VPS13B: variants seen among roughly 807,000 people sequenced by gnomAD.
VPS13B encodes vacuolar protein sorting 13 homolog B.
VPS13B carries 285 observed loss-of-function variants against 426.4 expected under a neutral mutation model. That is an observed-to-expected ratio of 0.67 (90% confidence interval 0.61 to 0.74). The LOEUF is 0.74. Ranked by LOEUF, VPS13B falls within the 30% of genes least tolerant of loss-of-function variation. VPS13B has a pLI of 0.00. For synonymous variants in VPS13B, 1,676 were observed against 1,676.4 expected, an observed-to-expected ratio of 1.00 and a Z score of 0.01; for missense variants, 4,537 against 4,782.6, an observed-to-expected ratio of 0.95 and a Z score of 1.51.
intron 43 of VPS13B, among the ~76,000 whole-genome samples, chr8:99,803,097 T>C (rs1417395087): frequency 6.6e-6 from 1 of 152,228 alleles, no homozygotes; most frequent in Admixed American, 6.5e-5. Flanking sequence ...AACATACATC[T>C]AGATACATTC....
rs1178697872 is a variant in VPS13B at position 99,854,002 on chromosome 8, G to A, written c.10613G>A (p.Gly3538Glu). The A allele has an allele frequency of 1.2e-6, 2 of 1,614,154 alleles. No homozygotes were observed. Among genetic ancestry groups the A allele is most frequent in the East Asian group, 2.2e-5 (1 of 44,886 alleles). ...RLAGHSTHLS[G>E]GKQVLPMQVT... ...GCTGGTCACTCCACACACCTCTCCG[G>A]GGGTAAACAGGTGTTGCCCATGCAG... is the stretch of plus-strand genomic sequence containing the variant. Residue 3538 changes from glycine (G) to glutamate (E), a missense_variant, in exon 56 of 62, where the codon GGG becomes GAG. Physicochemically the swap from Gly to Glu is moderately conservative, Grantham distance 98. Around this residue, in one of 2 missense-constraint regions of VPS13B, gnomAD observed 4,311 missense variants for 4,474.3 expected, o/e 0.96. Coordinates refer to ENST00000357162, the MANE Select transcript of VPS13B (RefSeq NM_152564.5).
chr8:99,838,475 A>C (rs1465487839), intron 54 of VPS13B, among the ~76,000 whole-genome samples: 1 of 152,252 alleles, frequency 6.6e-6, no homozygotes, highest in Non-Finnish European at 1.5e-5. Flanking sequence ...AATAAGGAAC[A>C]AAGAAAACAT....
intron 20 of VPS13B, among the ~76,000 whole-genome samples, chr8:99,386,312 C>T (rs1186424410): frequency 6.6e-6 from 1 of 152,134 alleles, no homozygotes; most frequent in Non-Finnish European, 1.5e-5. Flanking sequence ...AATGAACATA[C>T]AATCACGTGC....
intron 19 of VPS13B, among the ~76,000 whole-genome samples, chr8:99,301,227 T>G (rs1820347645): frequency 1.3e-5 from 2 of 152,056 alleles, no homozygotes; most frequent in East Asian, 3.8e-4. Flanking sequence ...AAAAAAAATT[T>G]TTTTTAACTT....
chr8:99,179,530 T>C (rs994296939), intron 16 of VPS13B, among the ~76,000 whole-genome samples: 3 of 152,182 alleles, frequency 2.0e-5, no homozygotes, highest in African/African-American at 7.2e-5. Flanking sequence ...GTATCCTAAA[T>C]AACTGTAACT....
intron 39 of VPS13B, among the ~76,000 whole-genome samples, chr8:99,753,042 T>G (rs1020891145): frequency 1.3e-5 from 2 of 152,168 alleles, no homozygotes; most frequent in Non-Finnish European, 2.9e-5. Context: ...CCTTGACAGG[T>G]TTTTTTAACT....
At chr8:99,568,873 G>A (rs1323813670) in intron 31 of VPS13B, among the ~76,000 whole-genome samples, 15 of 150,446 alleles carry the variant, frequency 1.0e-4, no homozygotes, top group African/African-American at 3.2e-4. Flanking sequence ...GTGCAGTGGC[G>A]CAATTTTGGC....
chr8:99,637,736 C>G (rs933743915), intron 33 of VPS13B, among the ~76,000 whole-genome samples: 2 of 152,038 alleles, frequency 1.3e-5, no homozygotes, highest in African/African-American at 4.8e-5. Context: ...AACACTTAAT[C>G]CACTTTAAAG....
chr8:99,016,586 C>CT (rs754060289), intron 2 of VPS13B, among the ~76,000 whole-genome samples: 1,963 of 60,810 alleles, frequency 0.032, 47 homozygotes, highest in Middle Eastern at 0.054. Flanking sequence ...TATAGGAATT[C>CT]TTTTTTTTTT....
chr8:99,777,510 T>A (rs186084573), intron 41 of VPS13B, among the ~76,000 whole-genome samples: 3 of 152,280 alleles, frequency 2.0e-5, no homozygotes, highest in Admixed American at 6.5e-5. Context: ...CCTGCCCCAC[T>A]GATTCGATTA....
chr8:99,518,750 A>G (rs1822222649), intron 29 of VPS13B, among the ~76,000 whole-genome samples: 1 of 152,212 alleles, frequency 6.6e-6, no homozygotes, highest in South Asian at 2.1e-4. Flanking sequence ...ATATACTGAA[A>G]TATACTGAAT....
chr8:99,347,311 G>A (rs1231710737), intron 19 of VPS13B: 1 of 152,672 alleles, frequency 6.5e-6, no homozygotes, highest in Non-Finnish European at 1.5e-5. Context: ...GTGTGGGCTA[G>A]GTCGGGGTAA....
chr8:99,035,339 C>T (rs1256289166), intron 2 of VPS13B, among the ~76,000 whole-genome samples: 1 of 152,192 alleles, frequency 6.6e-6, no homozygotes, highest in Non-Finnish European at 1.5e-5. Flanking sequence ...TACCTTTCCC[C>T]TGCCCCAGCC....
intron 33 of VPS13B, among the ~76,000 whole-genome samples, chr8:99,585,020 C>A (rs891501835): frequency 6.6e-6 from 1 of 152,084 alleles, no homozygotes; most frequent in Admixed American, 6.5e-5. Context: ...GCCTAAACTT[C>A]ATTTAGATTA....
chr8:99,475,709 T>A (rs966757731), intron 24 of VPS13B, among the ~76,000 whole-genome samples: 21 of 152,182 alleles, frequency 1.4e-4, no homozygotes, highest in African/African-American at 4.3e-4. Context: ...GGGCTTGTGT[T>A]TGGCCTTGTA....
At chr8:99,744,783 A>T (rs1809982938) in intron 39 of VPS13B, among the ~76,000 whole-genome samples, 1 of 151,344 alleles carries the variant, frequency 6.6e-6, no homozygotes, top group South Asian at 2.1e-4. Context: ...GAATACATGG[A>T]CACAGGAAGG....
chr8:99,422,810 C>G (rs1816446782), intron 21 of VPS13B, among the ~76,000 whole-genome samples: 2 of 152,148 alleles, frequency 1.3e-5, no homozygotes, highest in Non-Finnish European at 2.9e-5. Flanking sequence ...ATTTTTCCCT[C>G]CTCAGAGGTA....
At chr8:99,191,615 C>T (rs903820915) in intron 16 of VPS13B, among the ~76,000 whole-genome samples, 4 of 151,802 alleles carry the variant, frequency 2.6e-5, no homozygotes, top group Admixed American at 6.6e-5. Flanking sequence ...AACTCCTGAC[C>T]TTGTGATCCG....
At chr8:99,122,004 A>G (rs1847970296) in intron 8 of VPS13B, among the ~76,000 whole-genome samples, 2 of 150,356 alleles carry the variant, frequency 1.3e-5, no homozygotes, top group Admixed American at 6.6e-5. Flanking sequence ...GGCACGTGCC[A>G]CTGTGCCCAG....
Sources: allele counts gnomAD v4.1 joint callset (sites outside exome capture counted in the v4.1 genomes callset), GRCh38; gene constraint gnomAD v4.1.1; regional missense constraint gnomAD v4.1.1; transcripts MANE v1.5; gene names NCBI Gene and HGNC (gene_info 2026-07-23, HGNC 2026-07-21).